ZBTB7C: variants seen among roughly 807,000 people sequenced by gnomAD.
ZBTB7C encodes zinc finger and BTB domain containing 7C, also known as zinc finger and BTB domain-containing protein 7C.
In ZBTB7C, 8 loss-of-function variants were observed where a neutral mutation model predicts 25.7. The ratio of observed to expected loss-of-function variants is 0.31; its 90% CI spans 0.18 to 0.56. The LOEUF (loss-of-function observed/expected upper bound fraction) is 0.56. Ranked by LOEUF, ZBTB7C falls within the 20% of genes least tolerant of loss-of-function variation. The pLI, the probability that ZBTB7C is intolerant of heterozygous loss-of-function variation, is 0.91. For missense variants in ZBTB7C, 824 were observed against 855.2 expected (o/e 0.96, Z 0.46); for synonymous variants, 394 against 369.0 (o/e 1.07, Z -0.78).
chr18:48,186,228 G>A (rs550236657), intron 2 of ZBTB7C, among the ~76,000 whole-genome samples: 4 of 152,178 alleles, frequency 2.6e-5, no homozygotes, highest in South Asian at 4.1e-4. Context: ...CTCCCTCCCC[G>A]GCGCTGTGCC....
intron 3 of ZBTB7C, among the ~76,000 whole-genome samples, chr18:48,050,844 G>A (rs1253797924): frequency 2.0e-5 from 3 of 152,118 alleles, no homozygotes; most frequent in Admixed American, 6.5e-5. Context: ...GGTTAACAAT[G>A]CCACATGCCT....
At chr18:48,091,917 C>T (rs987755379) in intron 3 of ZBTB7C, among the ~76,000 whole-genome samples, 2 of 152,218 alleles carry the variant, frequency 1.3e-5, no homozygotes, top group Non-Finnish European at 1.5e-5. Flanking sequence ...GCCAGTGCTT[C>T]TCTTCACACC....
rs115347475 is a variant in ZBTB7C, at chr18:48,061,884, G to A, written c.-16-20761C>T. On this transcript the variant is annotated intron_variant, in intron 3 of 4. Transcript: ENST00000590800. ...AGATGGGCCTATTTACTTTGAAATA[G>A]TCAGTATCACTTCTACTGTCGAAAG... Among the ~76,000 whole-genome samples the A allele has an allele frequency of 1.9e-3, 294 of 152,242 alleles. 1 individual carries two copies. Among genetic ancestry groups the A allele is most frequent in the African/African-American group, 6.6e-3 (275 of 41,528 alleles).
chr18:48,066,727 A>C (rs4405616), intron 3 of ZBTB7C, among the ~76,000 whole-genome samples: 33,389 of 152,078 alleles, frequency 0.22, 4,209 homozygotes, highest in African/African-American at 0.33. Context: ...AGAAAAAGGC[A>C]CTTCTCTTCA....
At chr18:48,312,052 C>T (rs775585687) in intron 2 of ZBTB7C, among the ~76,000 whole-genome samples, 2 of 152,204 alleles carry the variant, frequency 1.3e-5, no homozygotes, top group Non-Finnish European at 2.9e-5. Flanking sequence ...CGGTCTGACC[C>T]CCTTAGAAGG....
At chr18:48,122,047 A>C (rs1239156364) in intron 3 of ZBTB7C, among the ~76,000 whole-genome samples, 1 of 152,162 alleles carries the variant, frequency 6.6e-6, no homozygotes. Flanking sequence ...TCTGGGGAGG[A>C]GGTGCCAGGC....
intron 3 of ZBTB7C, among the ~76,000 whole-genome samples, chr18:48,115,699 C>T (rs903306865): frequency 5.9e-5 from 9 of 152,276 alleles, no homozygotes; most frequent in East Asian, 5.8e-4. Context: ...TTTGAATGCC[C>T]GTTTTCAATC....
chr18:48,256,765 C>T (rs6507834), intron 2 of ZBTB7C, among the ~76,000 whole-genome samples: 56,035 of 151,670 alleles, frequency 0.37, 10,626 homozygotes, highest in Middle Eastern at 0.47. Flanking sequence ...ATACTATTCA[C>T]AAAGTGGTAT....
intron 3 of ZBTB7C, chr18:48,149,715 T>C (rs962595744): frequency 3.9e-5 from 6 of 152,084 alleles, no homozygotes; most frequent in Admixed American, 6.6e-5. Flanking sequence ...AAAGACCCAC[T>C]GTTTACCCCC....
At chr18:48,305,104 A>G (rs1429419203) in intron 2 of ZBTB7C, among the ~76,000 whole-genome samples, 2 of 152,186 alleles carry the variant, frequency 1.3e-5, no homozygotes, top group Non-Finnish European at 2.9e-5. Context: ...TGGAATTATA[A>G]CGAGCATTAA....
At chr18:48,143,408 A>G (rs1405787203) in intron 3 of ZBTB7C, among the ~76,000 whole-genome samples, 3 of 152,178 alleles carry the variant, frequency 2.0e-5, no homozygotes, top group Non-Finnish European at 4.4e-5. Context: ...GAAAACTAAG[A>G]AAAAAATGCA....
chr18:48,181,727 C>T (rs1319967273), intron 3 of ZBTB7C, among the ~76,000 whole-genome samples: 1 of 152,196 alleles, frequency 6.6e-6, no homozygotes, highest in Non-Finnish European at 1.5e-5. Flanking sequence ...CACTGAAGCC[C>T]TGGAATCTTA....
chr18:48,208,660 C>T (rs2042634803), intron 2 of ZBTB7C, among the ~76,000 whole-genome samples: 1 of 152,224 alleles, frequency 6.6e-6, no homozygotes, highest in Non-Finnish European at 1.5e-5. Context: ...CCTTTCTTCT[C>T]ATCTCCACCA....
chr18:48,201,398 A>T (rs1024755480), intron 2 of ZBTB7C, among the ~76,000 whole-genome samples: 2 of 152,180 alleles, frequency 1.3e-5, no homozygotes, highest in African/African-American at 4.8e-5. Context: ...GTATCTTTAT[A>T]AACTTGATCG....
intron 3 of ZBTB7C, chr18:48,169,880 G>A (rs1057136164): frequency 5.3e-5 from 8 of 152,294 alleles, no homozygotes; most frequent in African/African-American, 1.9e-4. Flanking sequence ...ATGTGCTGCT[G>A]AAGCAAGCAC....
At chr18:48,264,155 G>A (rs541955826) in intron 2 of ZBTB7C, among the ~76,000 whole-genome samples, 14 of 152,286 alleles carry the variant, frequency 9.2e-5, no homozygotes, top group East Asian at 5.8e-4. Flanking sequence ...CCTCCAGTGC[G>A]TGGGTGACAT....
chr18:48,329,389 G>T (rs966640387), intron 2 of ZBTB7C, among the ~76,000 whole-genome samples: 1 of 152,168 alleles, frequency 6.6e-6, no homozygotes, highest in Admixed American at 6.5e-5. Context: ...GTTCAGGGGC[G>T]TGCAAAGCTG....
chr18:48,105,795 A>C (rs72642436), intron 3 of ZBTB7C, among the ~76,000 whole-genome samples: 19,808 of 152,166 alleles, frequency 0.13, 2,704 homozygotes, highest in African/African-American at 0.33. Flanking sequence ...CCCGGTTCAC[A>C]AAACTGAAAT....
chr18:48,329,882 T>G (rs2046305557), intron 2 of ZBTB7C, among the ~76,000 whole-genome samples: 1 of 152,178 alleles, frequency 6.6e-6, no homozygotes, highest in South Asian at 2.1e-4. Flanking sequence ...GAACTGTCCA[T>G]GTCATCTCAT....
Sources: gnomAD v4.1 joint callset for allele counts (sites outside exome capture counted in the v4.1 genomes callset) on GRCh38, gnomAD v4.1.1 for gene constraint, MANE v1.5 for transcripts, NCBI Gene and HGNC (gene_info 2026-07-23, HGNC 2026-07-21) for gene names.